The following SCAPER variants were observed in gnomAD, a reference collection of about 807,000 sequenced individuals.
SCAPER encodes the protein S-phase cyclin A associated protein in the ER.
Under a neutral mutation model 182.2 loss-of-function variants are expected in SCAPER, and 98 were observed. That is an observed-to-expected ratio of 0.54 (90% CI 0.46 to 0.64). The LOEUF (loss-of-function observed/expected upper bound fraction) is 0.64. SCAPER is among the 30% of genes least tolerant of loss of function. The pLI, the probability that SCAPER is intolerant of heterozygous loss-of-function variation, is 0.00. For missense variants in SCAPER, 1,432 were observed against 1,690.0 expected, an observed-to-expected ratio of 0.85 and a Z score of 2.68; for synonymous variants, 605 against 564.6, an observed-to-expected ratio of 1.07 and a Z score of -1.01.
chr15:76,363,453 G>C (rs1026235477), intron 29 of SCAPER, among the ~76,000 whole-genome samples: 3 of 152,228 alleles, frequency 2.0e-5, no homozygotes, highest in Admixed American at 6.5e-5. Flanking sequence ...TCTTGGCACA[G>C]TGCCACAGAG....
At chr15:76,779,310 T>G (rs981707432) in intron 8 of SCAPER, among the ~76,000 whole-genome samples, 3 of 152,168 alleles carry the variant, frequency 2.0e-5, no homozygotes, top group Middle Eastern at 3.4e-3. Flanking sequence ...CTTCTACAAG[T>G]ATAAAATAAC....
At chr15:76,716,840 A>G (rs979353690) in intron 17 of SCAPER, among the ~76,000 whole-genome samples, 5 of 152,174 alleles carry the variant, frequency 3.3e-5, no homozygotes, top group African/African-American at 1.2e-4. Flanking sequence ...AAGAAACAGA[A>G]AAGGTTTATA....
At position 76,546,261 on chromosome 15, in the gene SCAPER, C is replaced by T. The variant is rs111391635; in HGVS notation, c.2838+27897G>A. 8.2e-3 allele frequency among the ~76,000 whole-genome samples: 1,247 copies of T among 152,034 alleles called. 11 individuals are homozygous for T. Among genetic ancestry groups the T allele is most frequent in the African/African-American group, 0.029 (1,185 of 41,508 alleles). The stretch of plus-strand genomic sequence containing the variant: ...ATGTTTTATGTTATTGAGTACCACT[C>T]CTTTTTAAATTAAAAATATTAATTA... On this transcript the variant is annotated intron_variant, in intron 23 of 31. Transcript: ENST00000563290.
chr15:76,486,872 T>C (rs528303452), intron 24 of SCAPER, among the ~76,000 whole-genome samples: 4 of 152,282 alleles, frequency 2.6e-5, no homozygotes, highest in East Asian at 1.9e-4. Context: ...AATTGGTCTA[T>C]TGGAAAGACA....
chr15:76,648,246 C>T (rs774477753), intron 21 of SCAPER, among the ~76,000 whole-genome samples: 2 of 149,244 alleles, frequency 1.3e-5, no homozygotes, highest in Non-Finnish European at 3.0e-5. Context: ...CCAAATGGAA[C>T]TCCTGGAGAT....
intron 29 of SCAPER, among the ~76,000 whole-genome samples, chr15:76,371,087 C>T (rs1237879348): frequency 6.6e-6 from 1 of 152,148 alleles, no homozygotes; most frequent in Non-Finnish European, 1.5e-5. Flanking sequence ...TTTGCAAAAC[C>T]TGGATGCTAG....
chr15:76,715,267 C>G (rs914801710), intron 17 of SCAPER, among the ~76,000 whole-genome samples: 2 of 152,012 alleles, frequency 1.3e-5, no homozygotes, highest in African/African-American at 4.8e-5. Flanking sequence ...GCACCCCCAG[C>G]ACCACAGCTG....
intron 10 of SCAPER, 139 bp from the exon 11 acceptor site, chr15:76,767,227 C>A: frequency 1.2e-6 from 1 of 806,076 alleles, no homozygotes; most frequent in South Asian, 1.9e-5. Context: ...GGGTTCCATA[C>A]AGGCTCATCC....
chr15:76,792,909 T>C (rs1242818545), intron 8 of SCAPER, among the ~76,000 whole-genome samples: 1 of 152,160 alleles, frequency 6.6e-6, no homozygotes, highest in Non-Finnish European at 1.5e-5. Context: ...GCTTGCTACA[T>C]AGAAATAGAT....
At chr15:76,421,065 G>C (rs1329993618) in intron 26 of SCAPER, among the ~76,000 whole-genome samples, 1 of 152,142 alleles carries the variant, frequency 6.6e-6, no homozygotes, top group Non-Finnish European at 1.5e-5. Context: ...ATTGTGAATA[G>C]TGCCACAATA....
chr15:76,465,950 G>A (rs1490535116), intron 25 of SCAPER, among the ~76,000 whole-genome samples: 1 of 152,040 alleles, frequency 6.6e-6, no homozygotes, highest in East Asian at 1.9e-4. Context: ...ATAGTCTGAT[G>A]TGTGTTCCCT....
intron 22 of SCAPER, among the ~76,000 whole-genome samples, chr15:76,613,440 A>AG (rs1479378769): frequency 6.6e-6 from 1 of 152,234 alleles, no homozygotes; most frequent in Non-Finnish European, 1.5e-5. Flanking sequence ...ATTAAACTAA[A>AG]GGGCTTCTGA....
chr15:76,794,485 C>T (rs1231065280), intron 8 of SCAPER, among the ~76,000 whole-genome samples: 2 of 145,126 alleles, frequency 1.4e-5, no homozygotes, highest in African/African-American at 5.1e-5. Context: ...AGTAAGCCAA[C>T]ACAACTTACT....
chr15:76,539,545 C>CTTTT (rs36086361), intron 23 of SCAPER, among the ~76,000 whole-genome samples: 25 of 119,386 alleles, frequency 2.1e-4, no homozygotes, highest in Non-Finnish European at 3.4e-4. Flanking sequence ...ATCAAAATTT[C>CTTTT]TTTTTTTTTT....
rs554253350 is a variant in SCAPER at position 76,354,211 on chromosome 15, T to C, written c.3856-71A>G. On this transcript the variant is annotated intron_variant, in intron 29 of 31. Coordinates refer to ENST00000563290, the MANE Select transcript of SCAPER (RefSeq NM_020843.4). This position sits in a 1 kb window ranked among gnomAD's most constrained non-coding sequence, Gnocchi z 4.4. ...CTGTCCCTCACCCACCTGCACAGTG[T>C]CGGCTAGTACCATGGAAAACATGCT... 2.7e-5 allele frequency: 38 copies of C among 1,428,422 alleles called. 1 individual carries two copies. In the South Asian group the frequency reaches 5.1e-4, roughly 19 times the overall value. 88.5% of individuals were successfully genotyped at this position (1,428,422 alleles called of 1,614,324 possible). A position where few individuals can be genotyped will look rare whatever the true frequency, so the allele number is the denominator to read the frequency against.
At chr15:76,788,099 T>G (rs2064745213) in intron 8 of SCAPER, among the ~76,000 whole-genome samples, 1 of 152,148 alleles carries the variant, frequency 6.6e-6, no homozygotes, top group Non-Finnish European at 1.5e-5. Context: ...CATTAGTCAT[T>G]AAAGAAATGC....
chr15:76,831,300 C>T (rs1450381441), intron 5 of SCAPER, among the ~76,000 whole-genome samples: 2 of 152,160 alleles, frequency 1.3e-5, no homozygotes, highest in East Asian at 3.9e-4. Flanking sequence ...TTTCAGGGTC[C>T]CTCCCTGGCC....
intron 5 of SCAPER, among the ~76,000 whole-genome samples, chr15:76,819,536 G>A (rs892518056): frequency 1.3e-5 from 2 of 152,194 alleles, no homozygotes; most frequent in Non-Finnish European, 2.9e-5. Flanking sequence ...CTGAATGTTA[G>A]AAGGAAAACT....
chr15:76,703,334 C>T (rs761760067), intron 18 of SCAPER, among the ~76,000 whole-genome samples: 1 of 152,184 alleles, frequency 6.6e-6, no homozygotes, highest in African/African-American at 2.4e-5. Context: ...ATATATGACT[C>T]AATGCACCTA....
Sources: gnomAD v4.1 joint callset for allele counts (sites outside exome capture counted in the v4.1 genomes callset) on GRCh38, gnomAD v4.1.1 for gene constraint, Gnocchi (gnomAD v3.1) non-coding constraint, MANE v1.5 for transcripts, NCBI Gene and HGNC (gene_info 2026-07-23, HGNC 2026-07-21) for gene names.